The following PGM2L1 variants were observed in gnomAD, a reference collection of about 807,000 sequenced individuals.
The protein encoded by PGM2L1 is phosphoglucomutase 2 like 1.
A neutral mutation model predicts 73.4 loss-of-function variants in PGM2L1; 35 were observed. The observed-to-expected ratio is 0.48, with a 90% CI of 0.36 to 0.63. PGM2L1 has a LOEUF of 0.63. PGM2L1 is among the 30% of genes least tolerant of loss of function. PGM2L1 has a pLI of 0.00. For synonymous variants in PGM2L1, 225 were observed against 253.8 expected, an observed-to-expected ratio of 0.89 and a Z score of 1.08; for missense variants, 570 against 742.0, an observed-to-expected ratio of 0.77 and a Z score of 2.69.
intron 7 of PGM2L1, 33 bp from the exon 8 acceptor site, chr11:74,346,862 T>C: frequency 6.7e-7 from 1 of 1,500,492 alleles, no homozygotes; most frequent in African/African-American, 1.4e-5. Flanking sequence ...TGGATTGTAC[T>C]GAAGAACCTA....
chr11:74,367,643 T>C (rs1374724468), intron 5 of PGM2L1, among the ~76,000 whole-genome samples: 3 of 152,220 alleles, frequency 2.0e-5, no homozygotes, highest in South Asian at 2.1e-4. Flanking sequence ...AATAATCTTA[T>C]ATGCTCTAAC....
chr11:74,337,007 G>A (rs1862108109), intron 13 of PGM2L1, among the ~76,000 whole-genome samples: 1 of 152,140 alleles, frequency 6.6e-6, no homozygotes, highest in African/African-American at 2.4e-5. Flanking sequence ...GAGTGATGGT[G>A]TATCTAAAGA....
In PGM2L1 at chr11:74,376,333, C is replaced by G. The variant is rs527637797; in HGVS notation, c.112-1751G>C. 3.9e-5 allele frequency among the ~76,000 whole-genome samples: 6 copies of G among 152,162 alleles called. No individual in the cohort carries two copies. In the South Asian group the frequency reaches 1.2e-3, roughly 32 times the overall value. On this transcript the variant is annotated intron_variant, in intron 1 of 13. Transcript: ENST00000298198. ...TAGGCTGGGCTGGCTCTAAAGCCTA[C>G]ACCATCTCACTACAGACAAACAAAA...
intron 5 of PGM2L1, chr11:74,355,121 T>TG (rs1862422733): frequency 7.7e-7 from 1 of 1,295,700 alleles, no homozygotes; most frequent in African/African-American, 1.5e-5. Flanking sequence ...TCAGTGGTTG[T>TG]GGTGGCTTTG....
At chr11:74,358,761 C>T (rs932475593) in intron 5 of PGM2L1, among the ~76,000 whole-genome samples, 6 of 152,186 alleles carry the variant, frequency 3.9e-5, no homozygotes, top group Admixed American at 6.5e-5. Flanking sequence ...TGATGGTGCA[C>T]GCCTGTAGTC....
At chr11:74,397,222 T>C (rs2134962289) in intron 1 of PGM2L1, among the ~76,000 whole-genome samples, 1 of 152,266 alleles carries the variant, frequency 6.6e-6, no homozygotes, top group South Asian at 2.1e-4. Context: ...AGCAAAAGCT[T>C]GGATTATCTT....
chr11:74,378,358 T>C (rs1189877093), intron 1 of PGM2L1, among the ~76,000 whole-genome samples: 1 of 152,036 alleles, frequency 6.6e-6, no homozygotes, highest in Non-Finnish European at 1.5e-5. Flanking sequence ...TTATATAAAA[T>C]GAAAATTAAT....
intron 2 of PGM2L1, 131 bp from the exon 3 acceptor site, chr11:74,371,948 T>C (rs1862766806): frequency 5.8e-6 from 4 of 692,820 alleles, no homozygotes; most frequent in South Asian, 1.7e-5. Context: ...TTTATGCCCA[T>C]GTTTACCAGT....
chr11:74,338,175 A>G (rs1862125907), intron 13 of PGM2L1, among the ~76,000 whole-genome samples: 1 of 152,230 alleles, frequency 6.6e-6, no homozygotes, highest in South Asian at 2.1e-4. Context: ...AGGCCCACAT[A>G]TTGTATGATT....
intron 1 of PGM2L1, among the ~76,000 whole-genome samples, chr11:74,388,424 T>C (rs1387232275): frequency 6.6e-6 from 1 of 152,240 alleles, no homozygotes; most frequent in Non-Finnish European, 1.5e-5. Context: ...TATAGAGCCA[T>C]GCTATTCTTT....
intron 1 of PGM2L1, among the ~76,000 whole-genome samples, chr11:74,377,374 A>C (rs1317558735): frequency 2.6e-5 from 4 of 151,940 alleles, no homozygotes; most frequent in Non-Finnish European, 4.4e-5. Context: ...ACCTCATGAT[A>C]CGCCCACCTT....
chr11:74,339,086 A>C (rs373948369), intron 12 of PGM2L1, among the ~76,000 whole-genome samples: 1 of 152,328 alleles, frequency 6.6e-6, no homozygotes, highest in Non-Finnish European at 1.5e-5. Flanking sequence ...AGTAAGTGTT[A>C]CCGCCATTTT....
rs1862049957 is a variant in PGM2L1, at chr11:74,333,788, A to C, written c.*2864T>G. The C allele has an allele frequency of 6.6e-6, 1 of 152,216 alleles. No homozygotes were observed. Among genetic ancestry groups the C allele is most frequent in the African/African-American group, 2.4e-5 (1 of 41,456 alleles). 9.4% of individuals were successfully genotyped at this position (152,216 alleles called of 1,614,324 possible). On this transcript the variant is annotated 3_prime_UTR_variant, in exon 14 of 14. Transcript: ENST00000298198. ...TTGCTTATTTCTACTGTTTATTTCC[A>C]ATGTATGCTTTGATCTTGCCCTACT... is the stretch of plus-strand genomic sequence containing the variant.
At position 74,331,951 on chromosome 11, in the gene PGM2L1, A is replaced by G. The variant is rs912936387; in HGVS notation, c.*4701T>C. 6.6e-6 allele frequency: 1 copy of G among 152,202 alleles called. No individual in the cohort carries two copies. The highest frequency in any genetic ancestry group is 1.5e-5 in the Non-Finnish European group (1 of 68,042). The allele number at this position is 152,202 out of a possible 1,614,324, so 9.4% of individuals were successfully genotyped here. On this transcript the variant is annotated 3_prime_UTR_variant, in exon 14 of 14. Transcript: ENST00000298198. ...TACACATTCTTATAGGTTCTCTTTT[A>G]TAAGTACATAGTCTTGAATAAACAA... is the stretch of plus-strand genomic sequence containing the variant.
intron 1 of PGM2L1, among the ~76,000 whole-genome samples, chr11:74,395,244 T>G (rs1215819590): frequency 2.6e-5 from 4 of 152,164 alleles, no homozygotes; most frequent in Non-Finnish European, 4.4e-5. Flanking sequence ...CCCTTCTATT[T>G]TCTTTAAAGA....
intron 5 of PGM2L1, among the ~76,000 whole-genome samples, chr11:74,365,120 T>C (rs1478946509): frequency 2.0e-5 from 3 of 150,288 alleles, no homozygotes; most frequent in Non-Finnish European, 4.5e-5. Flanking sequence ...GGGGAAAGGA[T>C]TCCCTATTTA....
chr11:74,374,019 G>A (rs1028983180), intron 2 of PGM2L1, among the ~76,000 whole-genome samples: 11 of 143,236 alleles, frequency 7.7e-5, no homozygotes, highest in African/African-American at 2.8e-4. Flanking sequence ...GTGTGTGTGT[G>A]CGTTTAGAAT....
At chr11:74,343,459 C>A in intron 9 of PGM2L1, 43 bp from the exon 10 acceptor site, 2 of 1,591,720 alleles carry the variant, frequency 1.3e-6, no homozygotes, top group Non-Finnish European at 1.7e-6. Context: ...GACTGTCTCA[C>A]AAATACCTAT....
At chr11:74,362,304 A>G (rs1462410742) in intron 5 of PGM2L1, among the ~76,000 whole-genome samples, 2 of 152,176 alleles carry the variant, frequency 1.3e-5, no homozygotes, top group South Asian at 4.1e-4. Flanking sequence ...ACTGAGCTTC[A>G]TAAGTAAAGA....
Sources: gnomAD v4.1 joint callset for allele counts (sites outside exome capture counted in the v4.1 genomes callset) on GRCh38, gnomAD v4.1.1 for gene constraint, MANE v1.5 for transcripts, NCBI Gene and HGNC (gene_info 2026-07-23, HGNC 2026-07-21) for gene names.